PIP5K1C: variants seen among roughly 807,000 people sequenced by gnomAD.
PIP5K1C encodes phosphatidylinositol 4-phosphate 5-kinase type-1 gamma.
In PIP5K1C, 45 loss-of-function variants were observed where a neutral mutation model predicts 80.1. The observed-to-expected ratio is 0.56, with a 90% CI of 0.44 to 0.72. The LOEUF (loss-of-function observed/expected upper bound fraction) is 0.72. Ranked by LOEUF, PIP5K1C falls within the 30% of genes least tolerant of loss-of-function variation. PIP5K1C has a pLI of 0.00. For synonymous variants in PIP5K1C, 498 were observed against 420.1 expected, an observed-to-expected ratio of 1.19 and a Z score of -2.27; for missense variants, 753 against 954.6, an observed-to-expected ratio of 0.79 and a Z score of 2.78.
rs2033762489 is a variant in PIP5K1C, at chr19:3,637,760, G to A, written c.1920+1124C>T. ...GCTGACTGCCAAGCAGAAGGTGGGG[G>A]GTGCCGGGGCAGGGGCAGGACCGAG... On this transcript the variant is annotated intron_variant, in intron 16 of 17. Transcript: ENST00000335312. The surrounding 1 kb of genome is among the most constrained non-coding windows in gnomAD (Gnocchi z 7.0). The A allele has an allele frequency of 1.3e-6, 2 of 1,530,164 alleles. No homozygotes were observed. The highest frequency in any genetic ancestry group is 1.7e-6 in the Non-Finnish European group (2 of 1,144,542). The allele number at this position is 1,530,164 out of a possible 1,614,324, so 94.8% of individuals were successfully genotyped here.
At chr19:3,650,008 C>A in intron 8 of PIP5K1C, 1 of 182,106 alleles carries the variant, frequency 5.5e-6, no homozygotes. Context: ...GCTCCCCCGC[C>A]AGGCCAGCGA....
chr19:3,633,129 A>G lies in PIP5K1C; in HGVS notation c.*38T>C, dbSNP rs377447297. On this transcript the variant is annotated 3_prime_UTR_variant, in exon 18 of 18. Coordinates refer to ENST00000335312, the MANE Select transcript of PIP5K1C (RefSeq NM_012398.3). ...GCGCCTTCGGGGGCAGCCGGAGCAG[A>G]AGTGGAGCTCGGCTCTGGGTCGGGG... 485 of 755,510 alleles carry G rather than the reference A, an allele frequency of 6.4e-4. 2 individuals are homozygous for G. Among genetic ancestry groups the G allele is most frequent in the African/African-American group, 6.4e-3 (378 of 58,898 alleles). 46.8% of individuals were successfully genotyped at this position (755,510 alleles called of 1,614,324 possible).
chr19:3,656,601 C>T (rs1351865683), intron 5 of PIP5K1C, 44 bp from the exon 6 acceptor site: 1 of 1,608,188 alleles, frequency 6.2e-7, no homozygotes, highest in Non-Finnish European at 8.5e-7. Context: ...AGCTGCCGGA[C>T]ACACAGACAG....
At chr19:3,640,075 T>C (rs989342402) in intron 15 of PIP5K1C, among the ~76,000 whole-genome samples, 4 of 152,186 alleles carry the variant, frequency 2.6e-5, no homozygotes, top group African/African-American at 9.7e-5. Flanking sequence ...GCTTTAGTTT[T>C]GGGTCTACGC....
intron 16 of PIP5K1C, chr19:3,638,019 C>A (rs765310776): frequency 6.7e-7 from 1 of 1,497,960 alleles, no homozygotes; most frequent in Non-Finnish European, 8.9e-7. Flanking sequence ...GGAGACAGAG[C>A]AGGGGAGTTA....
chr19:3,672,900 C>A (rs954357416), intron 1 of PIP5K1C, among the ~76,000 whole-genome samples: 1 of 77,996 alleles, frequency 1.3e-5, no homozygotes, highest in Non-Finnish European at 2.5e-5. Flanking sequence ...GCGGTGGGGG[C>A]GGGGGGAGAG....
intron 6 of PIP5K1C, among the ~76,000 whole-genome samples, chr19:3,655,956 C>T (rs1438640514): frequency 6.6e-6 from 1 of 152,248 alleles, no homozygotes; most frequent in Non-Finnish European, 1.5e-5. Context: ...CTGCCTCACG[C>T]CTGCCTGAGC....
chr19:3,636,481 C>A, intron 16 of PIP5K1C: 2 of 985,594 alleles, frequency 2.0e-6, no homozygotes, highest in Non-Finnish European at 2.4e-6. Flanking sequence ...CCAAGCACCC[C>A]CCTCCGTAGG....
In PIP5K1C at chr19:3,633,643, G is replaced by T. The variant is rs528006606; in HGVS notation, c.1921-123C>A. 2.5e-5 allele frequency: 15 copies of T among 611,956 alleles called. No homozygotes were observed. The South Asian group carries it at 8.2e-4, about 34-fold the overall frequency. 37.9% of individuals were successfully genotyped at this position (611,956 alleles called of 1,614,324 possible). On this transcript the variant is annotated intron_variant, in intron 16 of 17. Transcript: ENST00000335312. ...AAGAGGCGAATCCCCCATGGAAGAC[G>T]AGGGGTGGCTCAGCCCAGCTGCCCT...
chr19:3,642,475 G>C (rs1282161535), intron 14 of PIP5K1C, among the ~76,000 whole-genome samples: 1 of 152,174 alleles, frequency 6.6e-6, no homozygotes, highest in Non-Finnish European at 1.5e-5. Flanking sequence ...GGCGTGCACG[G>C]GTGTGCCCAT....
At position 3,660,970 on chromosome 19, in the gene PIP5K1C, TA is replaced by T. The variant is rs1568334058; in HGVS notation, c.463del (p.Tyr155ThrfsTer10). 1 of 1,611,494 alleles carries T rather than the reference TA, an allele frequency of 6.2e-7. No individual in the cohort carries two copies. The highest frequency in any genetic ancestry group is 8.5e-7 in the Non-Finnish European group (1 of 1,177,846). On this transcript the variant is annotated frameshift_variant, in exon 5 of 18. Transcript: ENST00000335312. LOFTEE classifies it high-confidence loss of function. ...CGTAACAGCAAATATGCTTACCAAG[TA>T]ATCATCTGGCCGGATCCCAAAGAGC... ...RELFGIRPDD[Y>X]LYSLCNEPLI...
chr19:3,636,737 TGCTGATGGGCGGGGAGTCACG>T, intron 16 of PIP5K1C: 1 of 986,860 alleles, frequency 1.0e-6, no homozygotes, highest in Non-Finnish European at 1.2e-6. Context: ...CGGAGAGGTT[TGCTGATGGGCGGGGAGTCACG>T]GCGGCCTCGG....
intron 5 of PIP5K1C, among the ~76,000 whole-genome samples, chr19:3,657,622 G>A (rs1351191439): frequency 6.6e-6 from 1 of 152,086 alleles, no homozygotes; most frequent in Non-Finnish European, 1.5e-5. Flanking sequence ...CAGGAGTGGT[G>A]GCGAGCAGAA....
chr19:3,682,229 C>G (rs186440392), intron 1 of PIP5K1C, among the ~76,000 whole-genome samples: 52 of 152,102 alleles, frequency 3.4e-4, no homozygotes, highest in African/African-American at 1.3e-3. Flanking sequence ...CAAACATTAG[C>G]CAGGCATGGG....
intron 1 of PIP5K1C, among the ~76,000 whole-genome samples, chr19:3,699,918 C>T (rs2036243847): frequency 6.6e-6 from 1 of 152,194 alleles, no homozygotes; most frequent in Admixed American, 6.5e-5. Context: ...GGTCTGGGGA[C>T]TTACAGAAAG....
chr19:3,642,748 G>A (rs948334963), intron 14 of PIP5K1C, among the ~76,000 whole-genome samples, 159 bp downstream of exon 14: 3 of 152,124 alleles, frequency 2.0e-5, no homozygotes, highest in Admixed American at 6.5e-5. Context: ...AAAGTGGCTG[G>A]AAGATTGTGT....
chr19:3,661,849 A>C (rs1423228334), intron 4 of PIP5K1C, 22 bp downstream of exon 4: 1 of 1,609,688 alleles, frequency 6.2e-7, no homozygotes, highest in African/African-American at 1.3e-5. Flanking sequence ...GTGAGCCCTG[A>C]GGCTCCGGGG....
In PIP5K1C at chr19:3,637,646, G is replaced by T. The variant is rs1271357808; in HGVS notation, c.1920+1238C>A. 6.9e-5 allele frequency: 104 copies of T among 1,514,776 alleles called. No homozygotes were observed. Among genetic ancestry groups the T allele is most frequent in the Non-Finnish European group, 8.6e-5 (98 of 1,134,042 alleles). The allele number at this position is 1,514,776 out of a possible 1,614,324, so 93.8% of individuals were successfully genotyped here. On this transcript the variant is annotated intron_variant, in intron 16 of 17. Transcript: ENST00000335312. The surrounding 1 kb of genome is among the most constrained non-coding windows in gnomAD (Gnocchi z 7.0). The stretch of plus-strand genomic sequence containing the variant: ...GGGCGGGCCGGGTGGGCCGGAGGAG[G>T]AAGGAAAACAGAGGACAGCGGATGA...
At chr19:3,674,205 G>T (rs2035292082) in intron 1 of PIP5K1C, 1 of 152,224 alleles carries the variant, frequency 6.6e-6, no homozygotes, top group Non-Finnish European at 1.5e-5. Flanking sequence ...CCACAGCCAT[G>T]GAACTAACCC....
Sources: allele counts gnomAD v4.1 joint callset (sites outside exome capture counted in the v4.1 genomes callset), GRCh38; gene constraint gnomAD v4.1.1; non-coding constraint Gnocchi (gnomAD v3.1); transcripts MANE v1.5; gene names NCBI Gene and HGNC (gene_info 2026-07-23, HGNC 2026-07-21).